CTNNA3: variants seen among roughly 807,000 people sequenced by gnomAD.
CTNNA3 encodes the protein catenin alpha 3.
In CTNNA3, 76 loss-of-function variants were observed where a neutral mutation model predicts 95.7. The observed-to-expected ratio is 0.79, with a 90% CI of 0.66 to 0.96. The LOEUF (loss-of-function observed/expected upper bound fraction) is 0.96, where lower values mean the gene tolerates loss of function less well. CTNNA3 is among the 40% of genes least tolerant of loss of function. The probability of loss-of-function intolerance (pLI) is 0.00; values close to 1 mark genes in which losing one functional copy is unlikely to be tolerated. For missense variants in CTNNA3, 1,191 were observed against 1,089.8 expected (o/e 1.09, Z -1.31); for synonymous variants, 431 against 374.4 (o/e 1.15, Z -1.74).
intron 5 of CTNNA3, among the ~76,000 whole-genome samples, chr10:67,368,482 C>A (rs1192228338): frequency 1.3e-5 from 2 of 152,064 alleles, no homozygotes; most frequent in Non-Finnish European, 2.9e-5. Context: ...ATACATCTAC[C>A]ATGTGACTAA....
chr10:67,751,303 T>A, intron 1 of CTNNA3: 1 of 922,184 alleles, frequency 1.1e-6, no homozygotes, highest in Non-Finnish European at 1.8e-6. Flanking sequence ...TCCACTCAAG[T>A]CCTATTTTAG....
chr10:66,215,387 T>A (rs2088462025), intron 13 of CTNNA3, among the ~76,000 whole-genome samples: 1 of 152,124 alleles, frequency 6.6e-6, no homozygotes, highest in African/African-American at 2.4e-5. Context: ...ATATTATAAT[T>A]CCCAATTTAC....
At chr10:66,431,542 T>C (rs1032467262) in intron 11 of CTNNA3, among the ~76,000 whole-genome samples, 1 of 152,010 alleles carries the variant, frequency 6.6e-6, no homozygotes, top group Non-Finnish European at 1.5e-5. Context: ...ATGGCACATA[T>C]ACACCATGGA....
chr10:66,816,682 T>A lies in CTNNA3; in HGVS notation c.1048-41158A>T, dbSNP rs544879945. 5.3e-5 allele frequency among the ~76,000 whole-genome samples: 8 copies of A among 152,174 alleles called. No individual in the cohort carries two copies. In the South Asian group the frequency reaches 1.2e-3, roughly 24 times the overall value. Reference sequence around the variant, plus strand: ...AACACTATAAGCCAACTACACCTAATAGATATTTATAGAACACTCCATCTA... The same window carrying A: ...AACACTATAAGCCAACTACACCTAAAAGATATTTATAGAACACTCCATCTA... On this transcript the variant is annotated intron_variant, in intron 7 of 17. Transcript: ENST00000433211.
At chr10:66,101,761 T>C (rs560759665) in intron 14 of CTNNA3, among the ~76,000 whole-genome samples, 2 of 152,188 alleles carry the variant, frequency 1.3e-5, no homozygotes, top group East Asian at 3.9e-4. Context: ...AAAAAGGCAA[T>C]CAAAAAGAAT....
chr10:67,143,709 T>C (rs966659989), intron 7 of CTNNA3, among the ~76,000 whole-genome samples: 2 of 152,138 alleles, frequency 1.3e-5, no homozygotes, highest in African/African-American at 4.8e-5. Flanking sequence ...TTTGGTCCCA[T>C]CTTCAGGCTC....
intron 3 of CTNNA3, among the ~76,000 whole-genome samples, chr10:67,556,201 T>C (rs560903634): frequency 5.3e-4 from 80 of 152,334 alleles, no homozygotes; most frequent in Middle Eastern, 3.4e-3. Flanking sequence ...TCAGGGTTAT[T>C]GGCCTAAAAT....
chr10:66,285,362 T>C (rs1265748917), intron 12 of CTNNA3, among the ~76,000 whole-genome samples: 1 of 151,922 alleles, frequency 6.6e-6, no homozygotes, highest in Non-Finnish European at 1.5e-5. Flanking sequence ...GTCTCTCCAG[T>C]GACTTAGAAA....
chr10:66,259,560 T>A (rs148645888), intron 13 of CTNNA3, among the ~76,000 whole-genome samples: 1 of 152,040 alleles, frequency 6.6e-6, no homozygotes, highest in African/African-American at 2.4e-5. Context: ...CAAAAGTACA[T>A]AACTTCACCC....
At chr10:66,955,092 A>T (rs1925567) in intron 7 of CTNNA3, among the ~76,000 whole-genome samples, 147,010 of 152,228 alleles carry the variant, frequency 0.97, 71,198 homozygotes, top group East Asian at 1. Context: ...AACAAAATAG[A>T]AGGAAGACTT....
At chr10:66,465,366 T>A (rs1838869713) in intron 11 of CTNNA3, among the ~76,000 whole-genome samples, 1 of 152,218 alleles carries the variant, frequency 6.6e-6, no homozygotes, top group Admixed American at 6.5e-5. Context: ...GTGTTCAGAC[T>A]TAGGATCACT....
At chr10:66,052,848 G>A (rs765804705) in intron 15 of CTNNA3, among the ~76,000 whole-genome samples, 22 of 152,054 alleles carry the variant, frequency 1.4e-4, no homozygotes, top group Non-Finnish European at 2.2e-4. Context: ...ATCTAAATAA[G>A]TTTGGAGAGA....
chr10:67,399,920 C>G (rs1240898750), intron 5 of CTNNA3, among the ~76,000 whole-genome samples: 2 of 151,634 alleles, frequency 1.3e-5, no homozygotes, highest in Non-Finnish European at 2.9e-5. Context: ...ATTTTAATTA[C>G]AATTTTTTTT....
At chr10:66,340,811 A>T (rs1366167996) in intron 12 of CTNNA3, among the ~76,000 whole-genome samples, 2 of 151,812 alleles carry the variant, frequency 1.3e-5, no homozygotes, top group African/African-American at 4.8e-5. Context: ...ATGTGGCGAA[A>T]AAAAGGTGAA....
chr10:67,713,713 C>T (rs992313942), intron 1 of CTNNA3, among the ~76,000 whole-genome samples: 2 of 152,128 alleles, frequency 1.3e-5, no homozygotes, highest in African/African-American at 4.8e-5. Flanking sequence ...CATGTTCTCA[C>T]TCATAAGTGG....
intron 11 of CTNNA3, among the ~76,000 whole-genome samples, chr10:66,406,117 G>T (rs908385869): frequency 6.6e-6 from 1 of 152,074 alleles, no homozygotes; most frequent in African/African-American, 2.4e-5. Flanking sequence ...TAATGACAAT[G>T]AAAAAAGGGA....
intron 1 of CTNNA3, among the ~76,000 whole-genome samples, chr10:67,751,965 T>G (rs918405708): frequency 3.9e-5 from 6 of 152,030 alleles, no homozygotes; most frequent in Admixed American, 2.6e-4. Context: ...TTTCTCTAAC[T>G]CATTTTATGA....
intron 7 of CTNNA3, among the ~76,000 whole-genome samples, chr10:66,815,414 A>C (rs1842037590): frequency 6.6e-6 from 1 of 152,172 alleles, no homozygotes; most frequent in Admixed American, 6.5e-5. Flanking sequence ...AAGGGGAAGG[A>C]TGGGGCTAAA....
intron 2 of CTNNA3, among the ~76,000 whole-genome samples, chr10:67,614,054 G>T (rs113863928): frequency 4.6e-5 from 7 of 152,164 alleles, no homozygotes; most frequent in African/African-American, 1.7e-4. Context: ...GCAAGGAAGC[G>T]GACCCTACCA....
Sources: allele counts gnomAD v4.1 joint callset (sites outside exome capture counted in the v4.1 genomes callset), GRCh38; gene constraint gnomAD v4.1.1; transcripts MANE v1.5; gene names NCBI Gene and HGNC (gene_info 2026-07-23, HGNC 2026-07-21).